CHLSN: variants seen among roughly 807,000 people sequenced by gnomAD.
The protein encoded by CHLSN is cholesin.
the CHLSN span, chr7:997,874 A>ACGCTGCAGCCAAGGACACC: frequency 3.5e-6 from 5 of 1,424,712 alleles, no homozygotes; most frequent in African/African-American, 1.5e-5. Context: ...AGGAGACAAG[A>ACGCTGCAGCCAAGGACACC]CGCTGCAGCC....
At chr7:979,508 T>G in the CHLSN span, among the ~76,000 whole-genome samples, 2 of 152,144 alleles carry the variant, frequency 1.3e-5, no homozygotes, top group African/African-American at 4.8e-5. Flanking sequence ...TCCCAGCACT[T>G]TGGGTGGCCA....
chr7:1,092,929 G>A, the CHLSN span: 116 of 1,387,788 alleles, frequency 8.4e-5, no homozygotes, highest in Non-Finnish European at 1.1e-4. Flanking sequence ...CACAAGGCAC[G>A]GCCACGTCAT....
chr7:1,122,037 G>C, the CHLSN span, among the ~76,000 whole-genome samples: 1 of 152,244 alleles, frequency 6.6e-6, no homozygotes, highest in Non-Finnish European at 1.5e-5. Context: ...CCTCGACTGA[G>C]GCTCCGCCGG....
At chr7:1,020,504 G>A in the CHLSN span, among the ~76,000 whole-genome samples, 1 of 152,316 alleles carries the variant, frequency 6.6e-6, no homozygotes, top group South Asian at 2.1e-4. Flanking sequence ...CCCCACTATC[G>A]AGATATGTCT....
the CHLSN span, among the ~76,000 whole-genome samples, chr7:1,002,691 GA>G: frequency 2.4e-5 from 2 of 84,130 alleles, no homozygotes; most frequent in Admixed American, 1.1e-4. Context: ...TCCTGCGGGT[GA>G]GTGGAGCCCT....
the CHLSN span, among the ~76,000 whole-genome samples, chr7:1,126,911 C>T: frequency 6.6e-6 from 1 of 152,162 alleles, no homozygotes; most frequent in East Asian, 1.9e-4. Flanking sequence ...TGCACATGCC[C>T]AGGTGAGGAG....
chr7:1,072,676 CTTTTTTTT>C, the CHLSN span, among the ~76,000 whole-genome samples: 6 of 110,300 alleles, frequency 5.4e-5, no homozygotes, highest in Non-Finnish European at 8.9e-5. Context: ...CTTTTCTTTC[CTTTTTTTT>C]TTTTTTTTTT....
chr7:1,009,885 G>C, the CHLSN span: 6 of 1,354,816 alleles, frequency 4.4e-6, no homozygotes, highest in Non-Finnish European at 5.9e-6. Flanking sequence ...TGAAGGCTTC[G>C]ACCCCCTCAG....
At chr7:1,085,792 C>T in the CHLSN span, among the ~76,000 whole-genome samples, 1 of 151,274 alleles carries the variant, frequency 6.6e-6, no homozygotes, top group Non-Finnish European at 1.5e-5. Context: ...GAGATCAGGC[C>T]ACTGCACACT....
chr7:1,101,257 G>A, the CHLSN span, among the ~76,000 whole-genome samples: 1 of 152,394 alleles, frequency 6.6e-6, no homozygotes, highest in Non-Finnish European at 1.5e-5. Context: ...TGGAGCCTGG[G>A]AACAAGGGTT....
chr7:983,679 G>A, the CHLSN span, among the ~76,000 whole-genome samples: 4 of 152,238 alleles, frequency 2.6e-5, no homozygotes, highest in East Asian at 5.8e-4. Context: ...CTGAGAGCCC[G>A]CAGGAGGCCA....
chr7:1,129,870 G>A, the CHLSN span, among the ~76,000 whole-genome samples: 3 of 152,298 alleles, frequency 2.0e-5, no homozygotes, highest in African/African-American at 7.2e-5. Context: ...CATTTTTAGT[G>A]ACATTATCAT....
the CHLSN span, among the ~76,000 whole-genome samples, chr7:1,054,519 G>A: frequency 3.9e-5 from 6 of 152,238 alleles, no homozygotes; most frequent in Admixed American, 1.3e-4. Flanking sequence ...GCACGTGAGC[G>A]CAGGGAGGAA....
At chr7:1,047,670 C>T in the CHLSN span, among the ~76,000 whole-genome samples, 2 of 152,242 alleles carry the variant, frequency 1.3e-5, no homozygotes, top group Admixed American at 6.5e-5. Context: ...ATGGCAGGTT[C>T]GGCCAGGAGC....
chr7:986,797 G>A, the CHLSN span: 90 of 1,553,222 alleles, frequency 5.8e-5, no homozygotes, highest in Non-Finnish European at 7.7e-5. Context: ...AGCAGGGACA[G>A]GTGTGTCGGG....
At chr7:996,081 A>T in the CHLSN span, among the ~76,000 whole-genome samples, 1 of 152,308 alleles carries the variant, frequency 6.6e-6, no homozygotes. Context: ...CAGGGAGCTA[A>T]GGAGGAAGTC....
At chr7:1,007,396 C>T in the CHLSN span, among the ~76,000 whole-genome samples, 7 of 152,340 alleles carry the variant, frequency 4.6e-5, no homozygotes, top group Admixed American at 2.0e-4. Context: ...CCAGCCGTGG[C>T]GTGGCCAGTG....
chr7:1,001,836 T>TTA, the CHLSN span, among the ~76,000 whole-genome samples: 1 of 72,914 alleles, frequency 1.4e-5, no homozygotes, highest in Admixed American at 1.6e-4. Flanking sequence ...GCCCTGTGGG[T>TTA]GGGGAGTCCT....
chr7:1,007,121 G>A, the CHLSN span, among the ~76,000 whole-genome samples: 1 of 152,074 alleles, frequency 6.6e-6, no homozygotes, highest in African/African-American at 2.4e-5. Context: ...CCTGGAATGG[G>A]TGGGGTGCCT....
Sources: allele counts gnomAD v4.1 joint callset (sites outside exome capture counted in the v4.1 genomes callset), GRCh38; gene constraint gnomAD v4.1.1; transcripts MANE v1.5; gene names NCBI Gene and HGNC (gene_info 2026-07-23, HGNC 2026-07-21).